CAMKMT: variants seen among roughly 807,000 people sequenced by gnomAD.
CAMKMT encodes the protein calmodulin-lysine N-methyltransferase, also known as CaM KMT.
Under a neutral mutation model 48.0 loss-of-function variants are expected in CAMKMT, and 53 were observed. The ratio of observed to expected loss-of-function variants is 1.10; its 90% CI spans 0.89 to 1.39. CAMKMT has a LOEUF of 1.39. CAMKMT is among the 40% of genes most tolerant of loss of function. CAMKMT has a pLI of 0.00. For synonymous variants in CAMKMT, 165 were observed against 152.3 expected, an observed-to-expected ratio of 1.08 and a Z score of -0.61; for missense variants, 428 against 402.7, an observed-to-expected ratio of 1.06 and a Z score of -0.54.
intron 3 of CAMKMT, among the ~76,000 whole-genome samples, chr2:44,661,418 C>T (rs1004184094): frequency 6.9e-6 from 1 of 145,734 alleles, no homozygotes; most frequent in African/African-American, 2.6e-5. Flanking sequence ...TGGGTTCAAG[C>T]GATTCTCCCA....
intron 3 of CAMKMT, among the ~76,000 whole-genome samples, chr2:44,651,739 C>T (rs1326354070): frequency 6.6e-6 from 1 of 152,152 alleles, no homozygotes; most frequent in Non-Finnish European, 1.5e-5. Context: ...GATTACGAAT[C>T]CTTTTCCCAA....
chr2:44,609,511 G>C (rs950906705), intron 3 of CAMKMT, among the ~76,000 whole-genome samples: 1 of 152,160 alleles, frequency 6.6e-6, no homozygotes, highest in African/African-American at 2.4e-5. Context: ...AGTTTATTAA[G>C]TTATGCCACA....
intron 3 of CAMKMT, among the ~76,000 whole-genome samples, chr2:44,428,233 C>A (rs947774649): frequency 7.9e-5 from 12 of 152,156 alleles, no homozygotes; most frequent in Non-Finnish European, 1.5e-4. Context: ...AAGTGGCTCT[C>A]AGCAGGATGG....
chr2:44,382,710 ACC>A (rs1331604509), intron 2 of CAMKMT, among the ~76,000 whole-genome samples: 2 of 151,706 alleles, frequency 1.3e-5, no homozygotes, highest in Admixed American at 6.6e-5. Flanking sequence ...CGATCTCCTG[ACC>A]TGGTGATCCA....
intron 3 of CAMKMT, among the ~76,000 whole-genome samples, chr2:44,489,538 G>A (rs989889089): frequency 1.2e-4 from 19 of 152,204 alleles, no homozygotes; most frequent in African/African-American, 4.6e-4. Context: ...GAGCCACTGC[G>A]CCTGGCCGGA....
At chr2:44,707,612 T>C (rs557798150) in intron 6 of CAMKMT, 150 bp downstream of exon 6, 4 of 584,802 alleles carry the variant, frequency 6.8e-6, no homozygotes, top group Non-Finnish European at 2.9e-6. Context: ...AGTAGAAATA[T>C]ATGAATTCCT....
At chr2:44,469,520 T>C (rs1668307166) in intron 3 of CAMKMT, among the ~76,000 whole-genome samples, 1 of 151,546 alleles carries the variant, frequency 6.6e-6, no homozygotes, top group African/African-American at 2.4e-5. Context: ...TTACTTTTCT[T>C]TTTCAGGAGC....
intron 3 of CAMKMT, among the ~76,000 whole-genome samples, chr2:44,490,852 A>G (rs1364290796): frequency 6.6e-6 from 1 of 152,104 alleles, no homozygotes; most frequent in Admixed American, 6.6e-5. Flanking sequence ...GTCATTTAGG[A>G]ATGATAAGCA....
chr2:44,408,304 G>T (rs552427387), intron 3 of CAMKMT, among the ~76,000 whole-genome samples: 7 of 151,900 alleles, frequency 4.6e-5, no homozygotes, highest in Middle Eastern at 3.2e-3. Context: ...GATTACAGGC[G>T]TGAGCCACCG....
chr2:44,433,980 T>C (rs1684800293), intron 3 of CAMKMT, among the ~76,000 whole-genome samples: 1 of 152,182 alleles, frequency 6.6e-6, no homozygotes, highest in Non-Finnish European at 1.5e-5. Context: ...GGTGAGTTGT[T>C]TGTAAGCTGT....
At chr2:44,750,987 T>C (rs1439143965) in intron 8 of CAMKMT, among the ~76,000 whole-genome samples, 1 of 151,514 alleles carries the variant, frequency 6.6e-6, no homozygotes, top group Non-Finnish European at 1.5e-5. Flanking sequence ...CACTCCAGCC[T>C]GGGCAACAGA....
intron 3 of CAMKMT, among the ~76,000 whole-genome samples, chr2:44,525,220 A>G (rs1671341875): frequency 6.6e-6 from 1 of 152,210 alleles, no homozygotes; most frequent in Non-Finnish European, 1.5e-5. Flanking sequence ...ACTGAAATCC[A>G]ACAGTAACTA....
chr2:44,412,445 C>T (rs1021289441), intron 3 of CAMKMT, among the ~76,000 whole-genome samples: 2 of 152,146 alleles, frequency 1.3e-5, no homozygotes, highest in South Asian at 4.1e-4. Flanking sequence ...AAGCAATTCT[C>T]CTGCCTCGGC....
intron 3 of CAMKMT, among the ~76,000 whole-genome samples, chr2:44,695,023 T>C (rs1241165615): frequency 2.6e-5 from 4 of 152,236 alleles, no homozygotes; most frequent in East Asian, 1.9e-4. Context: ...TAGAATAAAC[T>C]ATTAATTTAA....
intron 3 of CAMKMT, among the ~76,000 whole-genome samples, chr2:44,434,188 C>T (rs1460144021): frequency 6.6e-6 from 1 of 151,048 alleles, no homozygotes; most frequent in Non-Finnish European, 1.5e-5. Flanking sequence ...GAAAAGAAAC[C>T]AAGTATTCAA....
intron 9 of CAMKMT, among the ~76,000 whole-genome samples, chr2:44,765,532 A>T (rs66772525): frequency 0.28 from 27,312 of 97,084 alleles, 3,110 homozygotes; most frequent in East Asian, 0.65. Context: ...TTTTTTTTTT[A>T]AAAAAAAAAA....
intron 3 of CAMKMT, among the ~76,000 whole-genome samples, chr2:44,520,344 C>A (rs1001095660): frequency 6.6e-6 from 1 of 152,162 alleles, no homozygotes; most frequent in Non-Finnish European, 1.5e-5. Flanking sequence ...TCTTATCTAT[C>A]TCAGCCTCCC....
chr2:44,725,612 A>C (rs1418917811), intron 7 of CAMKMT, among the ~76,000 whole-genome samples: 1 of 152,212 alleles, frequency 6.6e-6, no homozygotes, highest in East Asian at 1.9e-4. Context: ...ATTAAAGATA[A>C]CGAAAGGAAA....
At position 44,374,354 on chromosome 2, in the gene CAMKMT, A is replaced by G. The variant is rs180997592; in HGVS notation, c.311+1466A>G. On this transcript the variant is annotated intron_variant, in intron 2 of 10. Transcript: ENST00000378494. ...AGGTGTTTTGATGTATTCCATTTCA[A>G]GTGATCCTTACAATAACTTTGTGAA... is the stretch of plus-strand genomic sequence containing the variant. Among the ~76,000 whole-genome samples, 387 of 152,300 alleles carry G rather than the reference A, an allele frequency of 2.5e-3. 4 individuals carry two copies. Among genetic ancestry groups the G allele is most frequent in the Non-Finnish European group, 4.1e-3 (280 of 68,026 alleles).
Sources: allele counts gnomAD v4.1 joint callset (sites outside exome capture counted in the v4.1 genomes callset), GRCh38; gene constraint gnomAD v4.1.1; transcripts MANE v1.5; gene names NCBI Gene and HGNC (gene_info 2026-07-23, HGNC 2026-07-21).